Variants in LSAMP observed in about 807,000 individuals in gnomAD.
The protein encoded by LSAMP is limbic system associated membrane protein.
A neutral mutation model predicts 38.6 loss-of-function variants in LSAMP; 7 were observed. The observed-to-expected ratio is 0.18, with a 90% CI of 0.10 to 0.34. The LOEUF is 0.34. Ranked by LOEUF, LSAMP falls within the 10% of genes least tolerant of loss-of-function variation. LSAMP has a pLI of 1.00. For synonymous variants in LSAMP, 154 were observed against 166.8 expected (o/e 0.92, Z 0.59); for missense variants, 313 against 420.0 (o/e 0.75, Z 2.23).
At chr3:116,442,608 C>G (rs2049451920) in intron 1 of LSAMP, among the ~76,000 whole-genome samples, 1 of 152,130 alleles carries the variant, frequency 6.6e-6, no homozygotes, top group African/African-American at 2.4e-5. Context: ...ATAGTTAATT[C>G]TGATGAAGCT....
At chr3:116,185,751 G>A (rs1269293037) in intron 1 of LSAMP, among the ~76,000 whole-genome samples, 1 of 151,940 alleles carries the variant, frequency 6.6e-6, no homozygotes, top group Non-Finnish European at 1.5e-5. Flanking sequence ...TAATGTTCAG[G>A]CTTTTTAAAT....
intron 3 of LSAMP, among the ~76,000 whole-genome samples, chr3:115,904,846 C>A (rs1312914092): frequency 6.6e-6 from 1 of 152,164 alleles, no homozygotes; most frequent in Non-Finnish European, 1.5e-5. Flanking sequence ...TTTTTACTTA[C>A]ATGTCCTCTG....
chr3:116,330,725 G>C (rs1482350074), intron 1 of LSAMP, among the ~76,000 whole-genome samples: 1 of 152,066 alleles, frequency 6.6e-6, no homozygotes, highest in Non-Finnish European at 1.5e-5. Context: ...TAACTCTCAG[G>C]CTGATCCATG....
At chr3:115,930,927 T>C (rs1284105522) in intron 3 of LSAMP, among the ~76,000 whole-genome samples, 1 of 152,182 alleles carries the variant, frequency 6.6e-6, no homozygotes, top group African/African-American at 2.4e-5. Flanking sequence ...TATCACATTT[T>C]ATAAAAACAA....
Position 116,445,284 on chromosome 3 carries a change from T to G in LSAMP, c.-253A>C. 3.4e-6 allele frequency: 2 copies of G among 584,842 alleles called. No homozygotes were observed. The highest frequency in any genetic ancestry group is 2.8e-5 in the East Asian group (1 of 35,220). The allele number at this position is 584,842 out of a possible 1,614,324, so 36.2% of individuals were successfully genotyped here. ...AGCAACACAATTTCAAAAGAGAGAG[T>G]GCAAATAGCAAGCCCTCTGGAAGAG... is the stretch of plus-strand genomic sequence containing the variant. On this transcript the variant is annotated 5_prime_UTR_variant, in exon 1 of 7. Transcript: ENST00000490035.
chr3:116,410,665 G>T (rs1222584169), intron 1 of LSAMP, among the ~76,000 whole-genome samples: 2 of 152,010 alleles, frequency 1.3e-5, no homozygotes, highest in South Asian at 2.1e-4. Flanking sequence ...GTTCATCCAT[G>T]AAACTCTATG....
chr3:115,872,282 C>T, intron 3 of LSAMP, among the ~76,000 whole-genome samples: 1 of 152,054 alleles, frequency 6.6e-6, no homozygotes, highest in East Asian at 1.9e-4. Context: ...ATTTTCTTGC[C>T]TCCATTCTCC....
intron 6 of LSAMP, among the ~76,000 whole-genome samples, chr3:115,822,607 G>A (rs1320740593): frequency 2.0e-5 from 3 of 152,004 alleles, no homozygotes; most frequent in Non-Finnish European, 2.9e-5. Flanking sequence ...TGATCTGCCC[G>A]CCTTGGCCTC....
chr3:116,012,544 C>G (rs1940360024), intron 3 of LSAMP, among the ~76,000 whole-genome samples: 2 of 152,214 alleles, frequency 1.3e-5, no homozygotes, highest in African/African-American at 4.8e-5. Flanking sequence ...ACTTCTCCCT[C>G]TAACAAACAA....
intron 3 of LSAMP, among the ~76,000 whole-genome samples, chr3:115,855,393 A>G (rs1022223464): frequency 1.3e-5 from 2 of 152,208 alleles, no homozygotes; most frequent in African/African-American, 4.8e-5. Flanking sequence ...ACATATCCTT[A>G]TCAGATAAAC....
At chr3:116,370,926 G>T (rs2048422054) in intron 1 of LSAMP, among the ~76,000 whole-genome samples, 1 of 152,078 alleles carries the variant, frequency 6.6e-6, no homozygotes, top group Non-Finnish European at 1.5e-5. Context: ...AAATAAAAAA[G>T]ATTATAAGAG....
chr3:116,315,895 A>G (rs935496712), intron 1 of LSAMP, among the ~76,000 whole-genome samples: 4 of 152,226 alleles, frequency 2.6e-5, no homozygotes, highest in African/African-American at 9.6e-5. Context: ...ATGAATAGTT[A>G]AATTTTGGAA....
rs144275712 is a variant in LSAMP, at chr3:116,201,888, T to C, written c.156-115332A>G. Among the ~76,000 whole-genome samples, 692 of 152,292 alleles carry C rather than the reference T, an allele frequency of 4.5e-3. 2 individuals carry two copies. Among genetic ancestry groups the C allele is most frequent in the Non-Finnish European group, 5.9e-3 (401 of 68,018 alleles). ...CTCAAGGATGCTAGCTTTTCATGTT[T>C]AACTGGCACAAACACCAGTAGTGTT... is the stretch of plus-strand genomic sequence containing the variant. On this transcript the variant is annotated intron_variant, in intron 1 of 6. Transcript: ENST00000490035.
At chr3:116,299,224 G>T (rs2047374549) in intron 1 of LSAMP, among the ~76,000 whole-genome samples, 1 of 152,206 alleles carries the variant, frequency 6.6e-6, no homozygotes, top group Admixed American at 6.5e-5. Flanking sequence ...TTCCAAAACA[G>T]CTGTGGGTAG....
intron 2 of LSAMP, among the ~76,000 whole-genome samples, chr3:116,030,363 G>T (rs1940891415): frequency 6.6e-6 from 1 of 152,084 alleles, no homozygotes; most frequent in African/African-American, 2.4e-5. Context: ...CTAAATAAAA[G>T]CAAATGGAAC....
At chr3:116,143,225 T>G (rs983192659) in intron 1 of LSAMP, among the ~76,000 whole-genome samples, 1 of 151,812 alleles carries the variant, frequency 6.6e-6, no homozygotes, top group African/African-American at 2.4e-5. Flanking sequence ...AAAAAATGAT[T>G]AAAAAAATTT....
chr3:115,999,761 G>A (rs575320959), intron 3 of LSAMP, among the ~76,000 whole-genome samples: 4 of 152,120 alleles, frequency 2.6e-5, no homozygotes, highest in Non-Finnish European at 5.9e-5. Flanking sequence ...TGGTTGGTGG[G>A]GAGGGAGGCT....
intron 1 of LSAMP, among the ~76,000 whole-genome samples, chr3:116,288,328 T>A (rs1284079381): frequency 6.6e-6 from 1 of 152,176 alleles, no homozygotes; most frequent in African/African-American, 2.4e-5. Context: ...AAAAGACAGA[T>A]GAGAGAAGGT....
intron 3 of LSAMP, among the ~76,000 whole-genome samples, chr3:115,874,558 T>G (rs557454872): frequency 3.9e-5 from 6 of 152,244 alleles, no homozygotes; most frequent in South Asian, 4.1e-4. Flanking sequence ...ATTGCTTCAT[T>G]GACTTGTACA....
Sources: allele counts gnomAD v4.1 joint callset (sites outside exome capture counted in the v4.1 genomes callset), GRCh38; gene constraint gnomAD v4.1.1; transcripts MANE v1.5; gene names NCBI Gene and HGNC (gene_info 2026-07-23, HGNC 2026-07-21).